ACSL6: variants seen among roughly 807,000 people sequenced by gnomAD.
ACSL6 encodes the protein acyl-CoA synthetase long chain family member 6.
Under a neutral mutation model 98.2 loss-of-function variants are expected in ACSL6, and 47 were observed. The ratio of observed to expected loss-of-function variants is 0.48; its 90% CI spans 0.38 to 0.61. The LOEUF (loss-of-function observed/expected upper bound fraction) is 0.61. ACSL6 is among the 20% of genes least tolerant of loss of function. ACSL6 has a pLI of 0.00. For missense variants in ACSL6, 761 were observed against 913.4 expected (o/e 0.83, Z 2.15); for synonymous variants, 362 against 336.9 (o/e 1.07, Z -0.82).
At chr5:131,976,543 A>G in intron 10 of ACSL6, 105 bp downstream of exon 10, 1 of 977,020 alleles carries the variant, frequency 1.0e-6, no homozygotes, top group Non-Finnish European at 1.5e-6. Context: ...GGTTATATCA[A>G]GAAAAAAAAA....
At chr5:131,977,223 G>A (rs1266834399) in intron 9 of ACSL6, among the ~76,000 whole-genome samples, 1 of 152,238 alleles carries the variant, frequency 6.6e-6, no homozygotes, top group East Asian at 1.9e-4. Flanking sequence ...GGGCTGGGCA[G>A]CCCTTCCTGC....
At position 131,990,128 on chromosome 5, in the gene ACSL6, T is replaced by C. The variant is rs1026964809; in HGVS notation, c.422A>G (p.Gln141Arg). The C allele has an allele frequency of 1.2e-6, 2 of 1,614,044 alleles. No individual in the cohort carries two copies. The highest frequency in any genetic ancestry group is 1.7e-6 in the Non-Finnish European group (2 of 1,179,986). Residue 141 changes from glutamine to arginine, a missense_variant, in exon 4 of 21, where the codon CAG becomes CGG. Physicochemically the swap from Gln to Arg is conservative, Grantham distance 43. Coordinates refer to ENST00000651883, the MANE Select transcript of ACSL6 (RefSeq NM_001009185.3). ...GPCLGFRKPK[Q>R]PYQWLSYQEV... ...CTGGTAGGACAGCCACTGGTAAGGC[T>C]GCTTAGGCTTCCTGAAACCAAGACA...
chr5:131,979,311 C>G (rs1753779822), intron 9 of ACSL6, among the ~76,000 whole-genome samples: 1 of 152,156 alleles, frequency 6.6e-6, no homozygotes, highest in African/African-American at 2.4e-5. Context: ...TCAGAAGTGT[C>G]ATGAAATAAG....
In ACSL6 at chr5:131,951,376, C is replaced by T. The variant is rs375521031; in HGVS notation, c.*2858G>A. The T allele has an allele frequency of 5.0e-6, 1 of 199,288 alleles. No homozygotes were observed. Among genetic ancestry groups the T allele is most frequent in the African/African-American group, 2.3e-5 (1 of 43,410 alleles). 12.3% of individuals were successfully genotyped at this position (199,288 alleles called of 1,614,324 possible). On this transcript the variant is annotated 3_prime_UTR_variant, in exon 21 of 21. Coordinates refer to ENST00000651883, the MANE Select transcript of ACSL6 (RefSeq NM_001009185.3). ...ATTTTTCCACTGATACATAGGGTTTCATTTCTCATTTCTTACAAAATTAAG... is the reference window on the plus strand; with the variant it reads ...ATTTTTCCACTGATACATAGGGTTTTATTTCTCATTTCTTACAAAATTAAG...
At chr5:131,966,618 G>T (rs956507750) in intron 16 of ACSL6, 86 bp from the exon 17 acceptor site, 3 of 1,170,552 alleles carry the variant, frequency 2.6e-6, no homozygotes, top group Non-Finnish European at 2.6e-6. Flanking sequence ...CGGAGATAAG[G>T]TGCACTACCC....
At position 131,994,388 on chromosome 5, in the gene ACSL6, C is replaced by T. The variant is rs990437183; in HGVS notation, c.50-137G>A. 5 of 725,084 alleles carry T rather than the reference C, an allele frequency of 6.9e-6. No individual in the cohort carries two copies. In the African/African-American group the frequency reaches 8.9e-5, roughly 13 times the overall value. The allele number at this position is 725,084 out of a possible 1,614,324, so 44.9% of individuals were successfully genotyped here. On this transcript the variant is annotated intron_variant, in intron 1 of 20. Coordinates refer to ENST00000651883, the MANE Select transcript of ACSL6 (RefSeq NM_001009185.3). ...GGGAGTTGGGATGTACAGAGTGCAC[C>T]CCAGAAGCTGGCTACCTAGAAGGGC...
intron 11 of ACSL6, chr5:131,973,740 T>G: frequency 4.5e-6 from 1 of 219,864 alleles, no homozygotes. Context: ...GCCTTTGAGA[T>G]GTACTACAGC....
chr5:131,967,828 T>TTAAAATGTTATAAAG (rs2149707780), intron 16 of ACSL6, 112 bp downstream of exon 16: 3 of 949,798 alleles, frequency 3.2e-6, no homozygotes, highest in Non-Finnish European at 4.8e-6. Flanking sequence ...AATCAGTAGT[T>TTAAAATGTTATAAAG]TAAAATGACT....
chr5:132,002,616 G>C (rs1335993573), intron 1 of ACSL6, among the ~76,000 whole-genome samples: 1 of 152,188 alleles, frequency 6.6e-6, no homozygotes, highest in Non-Finnish European at 1.5e-5. Context: ...ATGCACAAAA[G>C]ACAGAACCTG....
In ACSL6 at chr5:131,974,907, C is replaced by G; in HGVS notation, c.1054G>C (p.Glu352Gln). The G allele has an allele frequency of 6.2e-7, 1 of 1,614,162 alleles. No individual in the cohort carries two copies. The highest frequency in any genetic ancestry group is 8.5e-7 in the Non-Finnish European group (1 of 1,180,034). Residue 352 changes from glutamate (E) to glutamine (Q), a missense_variant, in exon 11 of 21, where the codon GAG becomes CAG. Coordinates refer to ENST00000651883, the MANE Select transcript of ACSL6 (RefSeq NM_001009185.3). Reference sequence around the variant, plus strand: ...GGGTGTCTTACCTGGATTACTCTCTCAAACATGTGAGCCAGAGGCAGGAAG... The same window carrying G: ...GGGTGTCTTACCTGGATTACTCTCTGAAACATGTGAGCCAGAGGCAGGAAG... ...ISFLPLAHMF[E>Q]RVIQSVVYCH...
intron 15 of ACSL6, chr5:131,968,325 G>A (rs909413768): frequency 3.8e-6 from 1 of 264,156 alleles, no homozygotes; most frequent in Non-Finnish European, 7.2e-6. Flanking sequence ...AGGATGGGGG[G>A]CATCAAACAC....
In ACSL6 at chr5:131,968,004, C is replaced by A; in HGVS notation, c.1532G>T (p.Cys511Phe). The A allele has an allele frequency of 6.2e-7, 1 of 1,613,878 alleles. No homozygotes were observed. The highest frequency in any genetic ancestry group is 8.5e-7 in the Non-Finnish European group (1 of 1,179,882). ...AACATCAACGAGCTTGATATGATTGCAGGGAAGTGGCGCCCCTACGTGCCC... is the reference window on the plus strand; with the variant it reads ...AACATCAACGAGCTTGATATGATTGAAGGGAAGTGGCGCCCCTACGTGCCC... ...TSGHVGAPLP[C>F]NHIKLVDVEE... The change falls in exon 16 of 21, where the codon TGC becomes TTC. Residue 511 changes from cysteine to phenylalanine, a missense_variant. Transcript: ENST00000651883.
intron 13 of ACSL6, among the ~76,000 whole-genome samples, chr5:131,972,209 G>A (rs192351304): frequency 6.6e-6 from 1 of 152,274 alleles, no homozygotes; most frequent in East Asian, 1.9e-4. Flanking sequence ...GCTACTAATT[G>A]ACTACAGATT....
intron 16 of ACSL6, 48 bp downstream of exon 16, chr5:131,967,892 T>G (rs781462580): frequency 6.5e-7 from 1 of 1,532,698 alleles, no homozygotes; most frequent in East Asian, 2.3e-5. Context: ...TTGTTTTTAC[T>G]CACTACATGT....
At chr5:132,004,986 C>T (rs1755321018) in intron 1 of ACSL6, among the ~76,000 whole-genome samples, 1 of 151,940 alleles carries the variant, frequency 6.6e-6, no homozygotes, top group Non-Finnish European at 1.5e-5. Context: ...CCCGTCTCTA[C>T]CAAAAATACA....
At position 132,011,505 on chromosome 5, in the gene ACSL6, C is replaced by G; in HGVS notation, c.49G>C (p.Glu17Gln). ...GGACGCGGACAGGACGGGCACTTAC[C>G]TACGAATAGCCAGAGGGAGCCCCCC... ...VSGGSLWLFV[E>Q]FVLSLLEKMQ... The change falls in exon 1 of 21, where the codon GAG (glutamate) becomes CAG (glutamine). Residue 17 changes from glutamate (E) to glutamine (Q), a missense_variant and splice_region_variant. Glu to Gln is a conservative substitution (Grantham distance 29). Coordinates refer to ENST00000651883, the MANE Select transcript of ACSL6 (RefSeq NM_001009185.3). This position sits in a 1 kb window ranked among gnomAD's most constrained non-coding sequence, Gnocchi z 5.4. 6.2e-7 allele frequency: 1 copy of G among 1,609,796 alleles called. No homozygotes were observed. Among genetic ancestry groups the G allele is most frequent in the Non-Finnish European group, 8.5e-7 (1 of 1,178,194 alleles).
At chr5:131,995,332 C>T (rs1754741719) in intron 1 of ACSL6, among the ~76,000 whole-genome samples, 1 of 152,164 alleles carries the variant, frequency 6.6e-6, no homozygotes, top group African/African-American at 2.4e-5. Flanking sequence ...GGTTCTGTAC[C>T]TTGCTTGGAA....
At chr5:131,972,677 G>C (rs372633041) in intron 13 of ACSL6, 47 bp downstream of exon 13, 1 of 1,606,266 alleles carries the variant, frequency 6.2e-7, no homozygotes, top group East Asian at 2.2e-5. Context: ...AAGGTCACCC[G>C]TTGGATACTT....
In ACSL6 at chr5:131,976,476, G is replaced by A. The variant is rs560768223; in HGVS notation, c.990+172C>T. Among the ~76,000 whole-genome samples the A allele has an allele frequency of 2.6e-5, 4 of 151,888 alleles. No individual in the cohort carries two copies. The East Asian group carries it at 7.8e-4, about 29-fold the overall frequency. ...TCAGTATTTGGAGTGAAAAGTGATG[G>A]TAAAAGTGGGGTTGCTCTAATGAGA... On this transcript the variant is annotated intron_variant, in intron 10 of 20. Transcript: ENST00000651883.
Sources: allele counts gnomAD v4.1 joint callset (sites outside exome capture counted in the v4.1 genomes callset), GRCh38; gene constraint gnomAD v4.1.1; non-coding constraint Gnocchi (gnomAD v3.1); transcripts MANE v1.5; gene names NCBI Gene and HGNC (gene_info 2026-07-23, HGNC 2026-07-21).